TIAM1: variants seen among roughly 807,000 people sequenced by gnomAD.
TIAM1 encodes TIAM Rac1 associated GEF 1.
A neutral mutation model predicts 163.5 loss-of-function variants in TIAM1; 65 were observed. The ratio of observed to expected loss-of-function variants is 0.40; its 90% CI spans 0.33 to 0.49. TIAM1 has a LOEUF of 0.49. TIAM1 is among the 20% of genes least tolerant of loss of function. The pLI is 0.77. For synonymous variants in TIAM1, 833 were observed against 810.1 expected (o/e 1.03, Z -0.48); for missense variants, 1,789 against 2,044.7 (o/e 0.87, Z 2.41).
At chr21:31,445,690 T>A (rs915494220) in intron 2 of TIAM1, among the ~76,000 whole-genome samples, 2 of 152,104 alleles carry the variant, frequency 1.3e-5, no homozygotes, top group Non-Finnish European at 2.9e-5. Flanking sequence ...AGATCCCCAA[T>A]CCTTGTAAAA....
chr21:31,439,501 G>A (rs187493843), intron 2 of TIAM1, among the ~76,000 whole-genome samples: 504 of 152,270 alleles, frequency 3.3e-3, no homozygotes, highest in Non-Finnish European at 5.6e-3. Flanking sequence ...TGTTGGCCAG[G>A]CTGGTCTTGA....
intron 2 of TIAM1, among the ~76,000 whole-genome samples, chr21:31,337,739 T>C (rs845942): frequency 1 from 151,689 of 152,000 alleles, 75,690 homozygotes; most frequent in Middle Eastern, 1. Flanking sequence ...CCATGTTGGC[T>C]AGACTGGCTC....
chr21:31,372,031 T>G (rs1010909605), intron 2 of TIAM1, among the ~76,000 whole-genome samples: 3 of 152,132 alleles, frequency 2.0e-5, no homozygotes, highest in African/African-American at 7.2e-5. Flanking sequence ...AGAAGAGAAA[T>G]TAAAGCAACC....
chr21:31,522,511 A>C (rs1272421628), intron 1 of TIAM1, among the ~76,000 whole-genome samples: 4 of 143,924 alleles, frequency 2.8e-5, no homozygotes, highest in Admixed American at 1.4e-4. Flanking sequence ...ACTCCATCCC[A>C]AAAAAAAAAA....
intron 9 of TIAM1, among the ~76,000 whole-genome samples, chr21:31,215,568 GAAAAAAA>G (rs398040071): frequency 4.0e-5 from 3 of 75,546 alleles, no homozygotes; most frequent in South Asian, 4.9e-4. Flanking sequence ...TCTCAAAAAA[GAAAAAAA>G]AAAAAAAAAA....
chr21:31,542,435 A>G (rs1389283097), intron 1 of TIAM1, among the ~76,000 whole-genome samples: 1 of 150,726 alleles, frequency 6.6e-6, no homozygotes, highest in Non-Finnish European at 1.5e-5. Flanking sequence ...TCAAAAAAAA[A>G]GAAAAAAAAA....
At chr21:31,506,591 A>G (rs1395291581) in intron 1 of TIAM1, among the ~76,000 whole-genome samples, 2 of 152,216 alleles carry the variant, frequency 1.3e-5, no homozygotes, top group Non-Finnish European at 2.9e-5. Flanking sequence ...AATGTCTTCA[A>G]GATTCATCCA....
At chr21:31,515,300 T>C (rs1939114419) in intron 1 of TIAM1, among the ~76,000 whole-genome samples, 1 of 152,090 alleles carries the variant, frequency 6.6e-6, no homozygotes, top group Non-Finnish European at 1.5e-5. Flanking sequence ...CTCCATCCTA[T>C]TGCACAGAAA....
chr21:31,326,793 G>A (rs2075503175), intron 2 of TIAM1, among the ~76,000 whole-genome samples: 1 of 152,206 alleles, frequency 6.6e-6, no homozygotes, highest in South Asian at 2.1e-4. Context: ...TTCCAGTGAT[G>A]TGAGGTTTAA....
chr21:31,441,884 A>C (rs1267550583), intron 2 of TIAM1, among the ~76,000 whole-genome samples: 3 of 35,364 alleles, frequency 8.5e-5, no homozygotes, highest in Non-Finnish European at 1.4e-4. Flanking sequence ...CCCCATGTTT[A>C]CAAAAAAAAA....
At chr21:31,298,903 G>T (rs2074398206) in intron 2 of TIAM1, among the ~76,000 whole-genome samples, 2 of 152,162 alleles carry the variant, frequency 1.3e-5, no homozygotes, top group Middle Eastern at 6.8e-3. Context: ...CTTTTCACAG[G>T]CCTGCTACAA....
chr21:31,237,836 T>C (rs1347091897), intron 6 of TIAM1, among the ~76,000 whole-genome samples: 1 of 152,248 alleles, frequency 6.6e-6, no homozygotes, highest in East Asian at 1.9e-4. Context: ...GTGAGCTTTT[T>C]GGAATTGTAT....
chr21:31,276,311 T>A (rs2073297045), intron 3 of TIAM1, among the ~76,000 whole-genome samples: 2 of 152,228 alleles, frequency 1.3e-5, no homozygotes, highest in South Asian at 4.1e-4. Context: ...AGATGATCTT[T>A]GATTTTGAAA....
At chr21:31,140,930 T>C (rs1427480439) in intron 22 of TIAM1, among the ~76,000 whole-genome samples, 188 bp downstream of exon 22, 2 of 152,130 alleles carry the variant, frequency 1.3e-5, no homozygotes, top group Admixed American at 6.5e-5. Flanking sequence ...CAGGAAGAAA[T>C]AGTCCAGCTG....
intron 2 of TIAM1, among the ~76,000 whole-genome samples, chr21:31,335,691 C>T (rs988520016): frequency 3.4e-5 from 5 of 147,260 alleles, no homozygotes; most frequent in South Asian, 2.1e-4. Context: ...GGTGACAGAG[C>T]GAGACTCTGT....
chr21:31,295,181 T>C (rs1681035315), intron 2 of TIAM1, among the ~76,000 whole-genome samples: 2 of 152,032 alleles, frequency 1.3e-5, no homozygotes, highest in African/African-American at 4.8e-5. Context: ...TCTTAAAGGG[T>C]CTTAAAGGGC....
intron 4 of TIAM1, among the ~76,000 whole-genome samples, chr21:31,264,178 G>T (rs1383712240): frequency 3.3e-5 from 5 of 152,000 alleles, no homozygotes; most frequent in Admixed American, 2.0e-4. Context: ...TTGTTACATG[G>T]ATATATTATG....
chr21:31,452,396 A>T (rs376565469), intron 2 of TIAM1: 3 of 265,598 alleles, frequency 1.1e-5, no homozygotes, highest in East Asian at 9.9e-5. Context: ...CCAAGATCGC[A>T]CTCCGGCCTG....
chr21:31,216,723 G>A (rs2087234574), intron 9 of TIAM1, among the ~76,000 whole-genome samples: 1 of 152,188 alleles, frequency 6.6e-6, no homozygotes, highest in African/African-American at 2.4e-5. Flanking sequence ...GACATACCGA[G>A]ATCCCGTTCC....
Sources: allele counts gnomAD v4.1 joint callset (sites outside exome capture counted in the v4.1 genomes callset), GRCh38; gene constraint gnomAD v4.1.1; transcripts MANE v1.5; gene names NCBI Gene and HGNC (gene_info 2026-07-23, HGNC 2026-07-21).